Variants in B3GALT1 observed in about 807,000 individuals in gnomAD.
The protein encoded by B3GALT1 is UDP-Gal:betaGlcNAc beta 1,3-galactosyltransferase, polypeptide 1.
A neutral mutation model predicts 23.2 loss-of-function variants in B3GALT1; 10 were observed. That is an observed-to-expected ratio of 0.43 (90% CI 0.27 to 0.73). The LOEUF (loss-of-function observed/expected upper bound fraction) is 0.73, where lower values mean the gene tolerates loss of function less well. B3GALT1 is among the 30% of genes least tolerant of loss of function. The pLI, the probability that B3GALT1 is intolerant of heterozygous loss-of-function variation, is 0.21. For missense variants in B3GALT1, 299 were observed against 405.4 expected, an observed-to-expected ratio of 0.74 and a Z score of 2.25; for synonymous variants, 156 against 141.5, an observed-to-expected ratio of 1.10 and a Z score of -0.73.
intron 3 of B3GALT1, among the ~76,000 whole-genome samples, chr2:167,696,783 T>C (rs1044091661): frequency 5.9e-5 from 9 of 152,184 alleles, no homozygotes; most frequent in African/African-American, 9.7e-5. Context: ...TCTATAGATA[T>C]TGACACTTCC....
intron 1 of B3GALT1, among the ~76,000 whole-genome samples, chr2:167,473,320 A>G (rs906059755): frequency 6.6e-6 from 1 of 152,148 alleles, no homozygotes; most frequent in Admixed American, 6.6e-5. Flanking sequence ...TGTGCCCATC[A>G]CTGTGCTAGG....
intron 4 of B3GALT1, among the ~76,000 whole-genome samples, chr2:167,846,816 C>G (rs971959620): frequency 5.9e-5 from 9 of 152,054 alleles, no homozygotes; most frequent in South Asian, 4.2e-4. Flanking sequence ...GATACAGAAC[C>G]ACAGAATGGA....
chr2:167,531,793 A>G (rs1168836151), intron 2 of B3GALT1, among the ~76,000 whole-genome samples: 3 of 152,194 alleles, frequency 2.0e-5, no homozygotes, highest in Non-Finnish European at 4.4e-5. Flanking sequence ...CCTTGCAAAC[A>G]TCTAATTTCA....
At chr2:167,580,889 A>G (rs2105407351) in intron 2 of B3GALT1, among the ~76,000 whole-genome samples, 1 of 152,298 alleles carries the variant, frequency 6.6e-6, no homozygotes, top group South Asian at 2.1e-4. Flanking sequence ...CTAAAGAGAC[A>G]GGTGTGGAGA....
chr2:167,817,985 C>G (rs1400157841), intron 3 of B3GALT1, among the ~76,000 whole-genome samples: 2 of 152,096 alleles, frequency 1.3e-5, no homozygotes, highest in South Asian at 2.1e-4. Context: ...CCTAAAATCC[C>G]AGCTGTGCCG....
intron 3 of B3GALT1, among the ~76,000 whole-genome samples, chr2:167,734,780 A>G (rs756944423): frequency 5.3e-5 from 8 of 152,176 alleles, no homozygotes; most frequent in Non-Finnish European, 1.0e-4. Flanking sequence ...ACTGAGAGAC[A>G]TGTTCCAAGT....
Position 167,707,041 on chromosome 2 carries a change from G to C in B3GALT1, c.-352+60075G>C, listed in dbSNP as rs56969597. ...TGCTGTGAGGAAGTCCAAACAGCCTGTGGAGAGAAACATGGAAAGGGAATG... is the reference window on the plus strand; with the variant it reads ...TGCTGTGAGGAAGTCCAAACAGCCTCTGGAGAGAAACATGGAAAGGGAATG... On this transcript the variant is annotated intron_variant, in intron 3 of 4. Transcript: ENST00000392690. 4.1e-3 allele frequency among the ~76,000 whole-genome samples: 623 copies of C among 152,314 alleles called. 1 individual carries two copies. Among genetic ancestry groups the C allele is most frequent in the African/African-American group, 0.013 (540 of 41,562 alleles).
chr2:167,857,471 C>A (rs1157424238), intron 4 of B3GALT1, among the ~76,000 whole-genome samples: 1 of 152,008 alleles, frequency 6.6e-6, no homozygotes, highest in African/African-American at 2.4e-5. Context: ...AAGTAAGAAT[C>A]ATGAACCAAA....
In B3GALT1 at chr2:167,700,175, A is replaced by G. The variant is rs192956963; in HGVS notation, c.-352+53209A>G. ...TGAGGCAGCAGGATCCTTTGAGCCT[A>G]AGAGGCTGCAGTGAGCTATGATTGA... is the stretch of plus-strand genomic sequence containing the variant. On this transcript the variant is annotated intron_variant, in intron 3 of 4. Coordinates refer to ENST00000392690, the MANE Select transcript of B3GALT1 (RefSeq NM_020981.4). 3.1e-3 allele frequency among the ~76,000 whole-genome samples: 470 copies of G among 152,270 alleles called. 2 individuals carry two copies. The highest frequency in any genetic ancestry group is 0.011 in the African/African-American group (456 of 41,558).
chr2:167,357,342 TA>T (rs1237389430), intron 1 of B3GALT1, among the ~76,000 whole-genome samples: 2 of 152,030 alleles, frequency 1.3e-5, no homozygotes, highest in Non-Finnish European at 2.9e-5. Context: ...AATATGTAGT[TA>T]AAAAACCAAC....
intron 1 of B3GALT1, among the ~76,000 whole-genome samples, chr2:167,350,536 T>C (rs1037051569): frequency 6.6e-6 from 1 of 152,216 alleles, no homozygotes; most frequent in African/African-American, 2.4e-5. Flanking sequence ...CAGATTGCAT[T>C]GCATGCAGAT....
At chr2:167,504,891 A>G (rs1699898265) in intron 2 of B3GALT1, among the ~76,000 whole-genome samples, 2 of 152,146 alleles carry the variant, frequency 1.3e-5, no homozygotes, top group East Asian at 3.9e-4. Context: ...AGTACACTCT[A>G]TGATGTTTGC....
In B3GALT1 at chr2:167,816,664, C is replaced by T. The variant is rs1465511094; in HGVS notation, c.-351-2008C>T. On this transcript the variant is annotated intron_variant, in intron 3 of 4. Transcript: ENST00000392690. ...TGTTTATGTTTTTTTCCACTCTTTC[C>T]ATAGTAAATTCTACAAAAGCAAGGA... Among the ~76,000 whole-genome samples the T allele has an allele frequency of 2.6e-5, 4 of 152,072 alleles. No homozygotes were observed. In the South Asian group the frequency reaches 6.2e-4, roughly 24 times the overall value.
At chr2:167,449,185 G>T (rs555262120) in intron 1 of B3GALT1, among the ~76,000 whole-genome samples, 2 of 152,060 alleles carry the variant, frequency 1.3e-5, no homozygotes, top group East Asian at 3.9e-4. Flanking sequence ...ATTGCTTTTG[G>T]CAATATGGTC....
At chr2:167,828,126 C>T (rs1324339458) in intron 4 of B3GALT1, among the ~76,000 whole-genome samples, 1 of 152,174 alleles carries the variant, frequency 6.6e-6, no homozygotes, top group Non-Finnish European at 1.5e-5. Flanking sequence ...ACCTTTGATT[C>T]CCTGGCACCT....
At chr2:167,816,936 A>G (rs1187232784) in intron 3 of B3GALT1, among the ~76,000 whole-genome samples, 1 of 152,184 alleles carries the variant, frequency 6.6e-6, no homozygotes, top group Non-Finnish European at 1.5e-5. Flanking sequence ...AGAATAAGAC[A>G]TTTTTTACAT....
intron 1 of B3GALT1, among the ~76,000 whole-genome samples, chr2:167,347,664 ATCAGTG>A (rs1431752159): frequency 6.6e-6 from 1 of 152,216 alleles, no homozygotes; most frequent in Non-Finnish European, 1.5e-5. Flanking sequence ...CAACATCAGT[ATCAGTG>A]TCAGTATATA....
At chr2:167,578,511 T>C (rs950545116) in intron 2 of B3GALT1, among the ~76,000 whole-genome samples, 5 of 151,834 alleles carry the variant, frequency 3.3e-5, no homozygotes, top group African/African-American at 1.2e-4. Context: ...AAATGAATTT[T>C]CTTCGAGGTT....
At chr2:167,776,342 C>A (rs1027113676) in intron 3 of B3GALT1, among the ~76,000 whole-genome samples, 2 of 152,180 alleles carry the variant, frequency 1.3e-5, no homozygotes, top group Admixed American at 6.5e-5. Flanking sequence ...AGAGGAAAAA[C>A]CGTGACCTTA....
Sources: allele counts gnomAD v4.1 joint callset (sites outside exome capture counted in the v4.1 genomes callset), GRCh38; gene constraint gnomAD v4.1.1; transcripts MANE v1.5; gene names NCBI Gene and HGNC (gene_info 2026-07-23, HGNC 2026-07-21).